THADA: variants seen among roughly 807,000 people sequenced by gnomAD.
THADA encodes THADA armadillo repeat containing.
A neutral mutation model predicts 219.8 loss-of-function variants in THADA; 213 were observed. That is an observed-to-expected ratio of 0.97 (90% CI 0.87 to 1.09). The LOEUF (loss-of-function observed/expected upper bound fraction) is 1.09, where lower values mean the gene tolerates loss of function less well. THADA is among the 50% of genes least tolerant of loss of function. The pLI is 0.00. For missense variants in THADA, 2,956 were observed against 2,311.3 expected, an observed-to-expected ratio of 1.28 and a Z score of -5.72; for synonymous variants, 1,018 against 828.9, an observed-to-expected ratio of 1.23 and a Z score of -3.92.
intron 26 of THADA, among the ~76,000 whole-genome samples, chr2:43,432,728 T>C (rs1166218242): frequency 1.1e-4 from 16 of 152,218 alleles, no homozygotes; most frequent in Non-Finnish European, 2.9e-5. Context: ...CTTGTGGGTA[T>C]GCAACAGTGT....
intron 22 of THADA, among the ~76,000 whole-genome samples, chr2:43,524,850 C>A (rs576712465): frequency 3.3e-5 from 5 of 152,188 alleles, no homozygotes; most frequent in Non-Finnish European, 7.4e-5. Context: ...CTAGTCTCCC[C>A]GCTCCATTTA....
In THADA at chr2:43,541,350, T is replaced by A. The variant is rs375262231; in HGVS notation, c.3107-34A>T. ...AAAAAAAACACAACGATTGCAACCTTGATTACTCATATCCCAGGTTTCTAA... is the reference window on the plus strand; with the variant it reads ...AAAAAAAACACAACGATTGCAACCTAGATTACTCATATCCCAGGTTTCTAA... On this transcript the variant is annotated intron_variant, in intron 20 of 37. Coordinates refer to ENST00000405975, the MANE Select transcript of THADA (RefSeq NM_022065.5). 7.8e-5 allele frequency: 126 copies of A among 1,608,482 alleles called. No homozygotes were observed. In the African/African-American group the frequency reaches 1.5e-3, roughly 20 times the overall value.
chr2:43,406,198 T>C (rs1675511412), intron 28 of THADA, among the ~76,000 whole-genome samples: 1 of 152,232 alleles, frequency 6.6e-6, no homozygotes, highest in Admixed American at 6.5e-5. Flanking sequence ...GGCTACTTGA[T>C]TCATACCATC....
At position 43,514,645 on chromosome 2, in the gene THADA, AAT is replaced by A. The variant is rs1421539785; in HGVS notation, c.3375-5867_3375-5866del. 2.5e-3 allele frequency among the ~76,000 whole-genome samples: 244 copies of A among 97,284 alleles called. 11 individuals are homozygous for A. The highest frequency in any genetic ancestry group is 9.9e-3 in the African/African-American group (219 of 22,128). 63.8% of individuals were successfully genotyped at this position (97,284 alleles called of 152,430 possible). On this transcript the variant is annotated intron_variant, in intron 22 of 37. Coordinates refer to ENST00000405975, the MANE Select transcript of THADA (RefSeq NM_022065.5). ...TTATATATATGTATATTTTATATAT[AAT>A]ATATATATTGTATATAATAATATAT...
intron 28 of THADA, 125 bp from the exon 29 acceptor site, chr2:43,398,264 C>T: frequency 2.1e-6 from 2 of 960,902 alleles, no homozygotes; most frequent in Non-Finnish European, 3.0e-6. Flanking sequence ...AGGAGCTGCT[C>T]CTTATCCCAA....
chr2:43,296,121 T>A (rs995924734), intron 31 of THADA, among the ~76,000 whole-genome samples: 3 of 151,876 alleles, frequency 2.0e-5, no homozygotes, highest in Non-Finnish European at 4.4e-5. Context: ...GGTTTTGCCA[T>A]GCTGGACAGG....
At chr2:43,477,355 A>C (rs991871751) in intron 26 of THADA, among the ~76,000 whole-genome samples, 3 of 152,198 alleles carry the variant, frequency 2.0e-5, no homozygotes, top group Non-Finnish European at 4.4e-5. Flanking sequence ...CTCAAAACAC[A>C]TTATAGCACA....
At chr2:43,464,745 A>C (rs1308215362) in intron 26 of THADA, among the ~76,000 whole-genome samples, 1 of 152,144 alleles carries the variant, frequency 6.6e-6, no homozygotes, top group Non-Finnish European at 1.5e-5. Flanking sequence ...CAGAATTCTT[A>C]TGAAATAAAT....
Position 43,358,201 on chromosome 2 carries a change from A to G in THADA, c.4228-13964T>C, listed in dbSNP as rs200593455. Among the ~76,000 whole-genome samples the G allele has an allele frequency of 2.0e-5, 3 of 152,314 alleles. No individual in the cohort carries two copies. The South Asian group carries it at 6.2e-4, about 32-fold the overall frequency. On this transcript the variant is annotated intron_variant, in intron 29 of 37. Coordinates refer to ENST00000405975, the MANE Select transcript of THADA (RefSeq NM_022065.5). ...GGACTGTCCTATCACCACAAAGTACATTACTTTTAGAGTCAGAAACAATAA... is the reference window on the plus strand; with the variant it reads ...GGACTGTCCTATCACCACAAAGTACGTTACTTTTAGAGTCAGAAACAATAA...
At chr2:43,252,203 ATT>A (rs1325471422) in intron 36 of THADA, among the ~76,000 whole-genome samples, 1 of 151,934 alleles carries the variant, frequency 6.6e-6, no homozygotes, top group Non-Finnish European at 1.5e-5. Flanking sequence ...TGCTTTCACC[ATT>A]TTTCAACCTC....
At chr2:43,294,147 G>T (rs1369471768) in intron 31 of THADA, among the ~76,000 whole-genome samples, 1 of 152,048 alleles carries the variant, frequency 6.6e-6, no homozygotes, top group Non-Finnish European at 1.5e-5. Context: ...TTATCCTCCT[G>T]TTAAGTTTTA....
Position 43,566,688 on chromosome 2 carries a change from A to G in THADA, c.2311+10T>C, listed in dbSNP as rs376761271. ...AAAAATTACTTCCCCTAACATTATTAAACACTTACCTTCTGGGACATGAAA... is the reference window on the plus strand; with the variant it reads ...AAAAATTACTTCCCCTAACATTATTGAACACTTACCTTCTGGGACATGAAA... On this transcript the variant is annotated intron_variant, in intron 15 of 37. Transcript: ENST00000405975. 2 of 1,609,298 alleles carry G rather than the reference A, an allele frequency of 1.2e-6. No individual in the cohort carries two copies. Among genetic ancestry groups the G allele is most frequent in the Admixed American group, 3.4e-5 (2 of 59,300 alleles).
intron 37 of THADA, 66 bp downstream of exon 37, chr2:43,232,647 T>G (rs1572698230): frequency 2.0e-6 from 3 of 1,530,266 alleles, no homozygotes; most frequent in Non-Finnish European, 1.8e-6. Context: ...AGGCTGTAGG[T>G]GCTGCATCTA....
rs1247069193 is a variant in THADA, at chr2:43,590,855, G to C, written c.271C>G (p.Leu91Val). The C allele has an allele frequency of 1.2e-6, 2 of 1,613,226 alleles. No homozygotes were observed. The highest frequency in any genetic ancestry group is 1.7e-5 in the Admixed American group (1 of 59,954). Residue 91 changes from leucine to valine, a missense_variant, in exon 4 of 38, where the codon CTA becomes GTA. Physicochemically the swap from Leu to Val is conservative, Grantham distance 32 (BLOSUM62 1). Coordinates refer to ENST00000405975, the MANE Select transcript of THADA (RefSeq NM_022065.5). ...AATACTTTCTTCAAGGGATTCTTTAGACTCAAAGAAAGATAAATGCCTGCT... is the reference window on the plus strand; with the variant it reads ...AATACTTTCTTCAAGGGATTCTTTACACTCAAAGAAAGATAAATGCCTGCT... ...ILAGIYLSLS[L>V]KNPLKKVLAS...
At chr2:43,294,354 T>C (rs1488569878) in intron 31 of THADA, among the ~76,000 whole-genome samples, 4 of 152,318 alleles carry the variant, frequency 2.6e-5, no homozygotes, top group East Asian at 1.9e-4. Flanking sequence ...GTACAAATGA[T>C]AACCTAGGCC....
chr2:43,570,427 T>A lies in THADA; in HGVS notation c.2148A>T (p.Leu716Phe). The change falls in exon 14 of 38, where the codon TTA becomes TTT. Residue 716 changes from leucine (L) to phenylalanine (F), a missense_variant. Transcript: ENST00000405975. ...AAGAAACAGAAGGGTGCTGTTTGGT[T>A]AACTCATTCTCTGGTTCACGTTTGG... Reference protein sequence around the residue: ...SKSKREPENELTKQHPSVSLQ... With the variant: ...SKSKREPENEFTKQHPSVSLQ... 6.2e-7 allele frequency: 1 copy of A among 1,613,668 alleles called. No homozygotes were observed. Among genetic ancestry groups the A allele is most frequent in the Non-Finnish European group, 8.5e-7 (1 of 1,179,716 alleles).
At chr2:43,513,052 C>CT (rs1051243064) in intron 22 of THADA, among the ~76,000 whole-genome samples, 2 of 152,174 alleles carry the variant, frequency 1.3e-5, no homozygotes, top group Admixed American at 6.5e-5. Context: ...CCTTTCTCTG[C>CT]TACCTAGTAG....
intron 26 of THADA, among the ~76,000 whole-genome samples, chr2:43,459,396 T>C (rs1242614360): frequency 6.6e-6 from 1 of 152,190 alleles, no homozygotes; most frequent in Non-Finnish European, 1.5e-5. Flanking sequence ...CATCCCTTGT[T>C]GTAGACCTTC....
intron 29 of THADA, among the ~76,000 whole-genome samples, chr2:43,371,400 A>G (rs1462304366): frequency 1.3e-5 from 2 of 152,218 alleles, no homozygotes; most frequent in African/African-American, 4.8e-5. Context: ...AATGGTGGTT[A>G]AATGGTAGAA....
Sources: gnomAD v4.1 joint callset for allele counts (sites outside exome capture counted in the v4.1 genomes callset) on GRCh38, gnomAD v4.1.1 for gene constraint, MANE v1.5 for transcripts, NCBI Gene and HGNC (gene_info 2026-07-23, HGNC 2026-07-21) for gene names.